The following DEPTOR variants were observed in gnomAD, a reference collection of about 807,000 sequenced individuals.
DEPTOR encodes the protein DEP domain containing MTOR interacting protein.
A neutral mutation model predicts 41.6 loss-of-function variants in DEPTOR; 41 were observed. The observed-to-expected ratio is 0.98, with a 90% CI of 0.77 to 1.28. The LOEUF is 1.28. Ranked by LOEUF, DEPTOR falls within the 50% of genes most tolerant of loss-of-function variation. The pLI is 0.00. For synonymous variants in DEPTOR, 195 were observed against 192.3 expected (o/e 1.01, Z -0.12); for missense variants, 514 against 527.9 (o/e 0.97, Z 0.26).
chr8:119,873,722 A>G lies in DEPTOR; in HGVS notation c.-125A>G. 7.3e-7 allele frequency: 1 copy of G among 1,377,974 alleles called. No homozygotes were observed. The highest frequency in any genetic ancestry group is 9.7e-7 in the Non-Finnish European group (1 of 1,031,978). The allele number at this position is 1,377,974 out of a possible 1,614,324, so 85.4% of individuals were successfully genotyped here. A position where few individuals can be genotyped will look rare whatever the true frequency, so the allele number is the denominator to read the frequency against. On this transcript the variant is annotated 5_prime_UTR_variant, in exon 1 of 9. Coordinates refer to ENST00000286234, the MANE Select transcript of DEPTOR (RefSeq NM_022783.4). ...TAGGGATTCCCTCTCCAGCCAATCCAGTCAGAGCAGCGGAGCTGCCCCGAA... is the reference window on the plus strand; with the variant it reads ...TAGGGATTCCCTCTCCAGCCAATCCGGTCAGAGCAGCGGAGCTGCCCCGAA...
At chr8:119,876,379 C>G (rs188099743) in intron 1 of DEPTOR, among the ~76,000 whole-genome samples, 9 of 152,056 alleles carry the variant, frequency 5.9e-5, no homozygotes, top group Non-Finnish European at 1.0e-4. Flanking sequence ...TGATTATGCC[C>G]GTAATCCTGG....
chr8:119,996,147 T>A (rs1812255766), intron 4 of DEPTOR, among the ~76,000 whole-genome samples: 1 of 152,194 alleles, frequency 6.6e-6, no homozygotes, highest in African/African-American at 2.4e-5. Context: ...GTGGCAACCT[T>A]CATTTCAGGG....
chr8:119,929,813 AGT>A lies in DEPTOR; in HGVS notation c.306_307del (p.Cys102Ter), dbSNP rs1828016985. On this transcript the variant is annotated splice_acceptor_variant and coding_sequence_variant, in exon 3 of 9. Coordinates refer to ENST00000286234, the MANE Select transcript of DEPTOR (RefSeq NM_022783.4). LOFTEE classifies it high-confidence loss of function. ...TGCTTCTCTGTGCATATTGTGTTTCAGTGTGTGATGAGCATAAGGAATTCAAG... is the reference window on the plus strand; with the variant it reads ...TGCTTCTCTGTGCATATTGTGTTTCAGTGTGATGAGCATAAGGAATTCAAG... The A allele has an allele frequency of 1.9e-6, 3 of 1,605,946 alleles. No individual in the cohort carries two copies. Among genetic ancestry groups the A allele is most frequent in the Non-Finnish European group, 1.7e-6 (2 of 1,174,212 alleles).
At chr8:119,947,216 T>A (rs1828291065) in intron 3 of DEPTOR, among the ~76,000 whole-genome samples, 1 of 152,206 alleles carries the variant, frequency 6.6e-6, no homozygotes, top group African/African-American at 2.4e-5. Context: ...GAGCCATGGA[T>A]GTTCATAGGC....
chr8:120,010,797 C>T (rs1812522311), intron 8 of DEPTOR, among the ~76,000 whole-genome samples: 1 of 152,034 alleles, frequency 6.6e-6, no homozygotes, highest in African/African-American at 2.4e-5. Flanking sequence ...AAAACCTAGC[C>T]ATTAACATTT....
At chr8:119,994,538 C>G (rs950871882) in intron 4 of DEPTOR, among the ~76,000 whole-genome samples, 10 of 152,176 alleles carry the variant, frequency 6.6e-5, no homozygotes, top group Admixed American at 3.9e-4. Context: ...ACTCACTAAA[C>G]TTTAGCTGTA....
intron 8 of DEPTOR, 148 bp from the exon 9 acceptor site, chr8:120,049,428 G>C (rs979877245): frequency 2.1e-5 from 20 of 940,842 alleles, no homozygotes; most frequent in Non-Finnish European, 2.7e-5. Flanking sequence ...GTAGCTCCTT[G>C]GAAATTATTG....
At chr8:119,977,922 G>T (rs779046457) in intron 4 of DEPTOR, among the ~76,000 whole-genome samples, 2 of 151,958 alleles carry the variant, frequency 1.3e-5, no homozygotes, top group Non-Finnish European at 2.9e-5. Flanking sequence ...GCCTCCCAAA[G>T]TTCTGGGATT....
intron 8 of DEPTOR, among the ~76,000 whole-genome samples, chr8:120,032,912 T>G (rs987263922): frequency 1.3e-5 from 2 of 152,262 alleles, no homozygotes; most frequent in African/African-American, 4.8e-5. Context: ...TGATTCATGT[T>G]CTTCCTCATA....
chr8:119,918,438 C>CTTTA (rs796881763), intron 1 of DEPTOR, among the ~76,000 whole-genome samples: 3,727 of 83,294 alleles, frequency 0.045, 61 homozygotes, highest in East Asian at 0.12. Flanking sequence ...CATGGACCAC[C>CTTTA]TTTATTTATT....
intron 8 of DEPTOR, among the ~76,000 whole-genome samples, chr8:120,040,096 G>A (rs13266382): frequency 2.0e-5 from 3 of 151,678 alleles, no homozygotes; most frequent in African/African-American, 4.8e-5. Flanking sequence ...CGCCTGCCTC[G>A]GCCTCCCAAA....
At chr8:120,019,977 T>A (rs1812674161) in intron 8 of DEPTOR, among the ~76,000 whole-genome samples, 1 of 152,158 alleles carries the variant, frequency 6.6e-6, no homozygotes. Flanking sequence ...GGATTTCACC[T>A]TCACCCCGGT....
At chr8:120,044,184 TG>T (rs1472175689) in intron 8 of DEPTOR, among the ~76,000 whole-genome samples, 1 of 151,588 alleles carries the variant, frequency 6.6e-6, no homozygotes, top group East Asian at 1.9e-4. Context: ...TTTTTTGAGA[TG>T]GGGGTTTTGC....
chr8:119,999,159 C>G (rs1260685955), intron 4 of DEPTOR, among the ~76,000 whole-genome samples: 1 of 151,810 alleles, frequency 6.6e-6, no homozygotes, highest in East Asian at 1.9e-4. Context: ...ATCCCAGCTA[C>G]TTCGGAGCCT....
At chr8:119,996,273 T>G (rs995944956) in intron 4 of DEPTOR, among the ~76,000 whole-genome samples, 1 of 152,190 alleles carries the variant, frequency 6.6e-6, no homozygotes, top group African/African-American at 2.4e-5. Flanking sequence ...AATTGAATTC[T>G]CCTAGGCCAA....
At position 119,975,809 on chromosome 8, in the gene DEPTOR, G is replaced by T. The variant is rs758648539; in HGVS notation, c.604+10399G>T. 4.2e-4 allele frequency among the ~76,000 whole-genome samples: 63 copies of T among 149,736 alleles called. 1 individual carries two copies. The highest frequency in any genetic ancestry group is 1.5e-3 in the African/African-American group (61 of 40,606). ...CGTCTAACAGTGCCGACCTAGCCTTGCTTGCCCACCCGCCCTTCCTCTCTA... is the reference window on the plus strand; with the variant it reads ...CGTCTAACAGTGCCGACCTAGCCTTTCTTGCCCACCCGCCCTTCCTCTCTA... On this transcript the variant is annotated intron_variant, in intron 4 of 8. Coordinates refer to ENST00000286234, the MANE Select transcript of DEPTOR (RefSeq NM_022783.4).
Position 119,927,596 on chromosome 8 carries a change from AT to A in DEPTOR, c.123-803del, listed in dbSNP as rs1288914455. On this transcript the variant is annotated intron_variant, in intron 1 of 8. Transcript: ENST00000286234. ...ATATATATATACATATATATTATATATATATAAATATATATATTATATATAT... is the reference window on the plus strand; with the variant it reads ...ATATATATATACATATATATTATATAATATAAATATATATATTATATATAT... Among the ~76,000 whole-genome samples the A allele has an allele frequency of 5.4e-5, 8 of 147,020 alleles. No homozygotes were observed. In the East Asian group the frequency reaches 1.6e-3, roughly 29 times the overall value.
chr8:120,039,080 C>T (rs774279118), intron 8 of DEPTOR, among the ~76,000 whole-genome samples: 29 of 152,152 alleles, frequency 1.9e-4, no homozygotes, highest in Non-Finnish European at 3.8e-4. Context: ...ACTCTCAAAG[C>T]GATCAGGTAT....
At chr8:119,934,941 G>C (rs556006583) in intron 3 of DEPTOR, among the ~76,000 whole-genome samples, 2 of 152,130 alleles carry the variant, frequency 1.3e-5, no homozygotes, top group African/African-American at 4.8e-5. Flanking sequence ...GACAGGGCCC[G>C]CATCAGATAT....
Sources: gnomAD v4.1 joint callset for allele counts (sites outside exome capture counted in the v4.1 genomes callset) on GRCh38, gnomAD v4.1.1 for gene constraint, MANE v1.5 for transcripts, NCBI Gene and HGNC (gene_info 2026-07-23, HGNC 2026-07-21) for gene names.